The following RFC4 variants were observed in gnomAD, a reference collection of about 807,000 sequenced individuals.
The protein encoded by RFC4 is replication factor C subunit 4.
A neutral mutation model predicts 47.6 loss-of-function variants in RFC4; 38 were observed. The ratio of observed to expected loss-of-function variants is 0.80; its 90% CI spans 0.62 to 1.05. The LOEUF is 1.05. Ranked by LOEUF, RFC4 falls within the 50% of genes least tolerant of loss-of-function variation. The pLI is 0.00. For missense variants in RFC4, 489 were observed against 434.0 expected (o/e 1.13, Z -1.13); for synonymous variants, 164 against 150.0 (o/e 1.09, Z -0.68).
rs746852774 is a variant in RFC4, at chr3:186,793,534, C to T, written c.411-587G>A. Among the ~76,000 whole-genome samples, 3 of 152,184 alleles carry T rather than the reference C, an allele frequency of 2.0e-5. No individual in the cohort carries two copies. The highest frequency in any genetic ancestry group is 2.9e-5 in the Non-Finnish European group (2 of 68,034). Reference sequence around the variant, plus strand: ...TTTACATTCCAACCAGCAATGTATGCGGTTTACCATTTCTCCACATCCTTG... The same window carrying T: ...TTTACATTCCAACCAGCAATGTATGTGGTTTACCATTTCTCCACATCCTTG... On this transcript the variant is annotated intron_variant, in intron 5 of 10. Transcript: ENST00000296273. This position sits in a 1 kb window ranked among gnomAD's most constrained non-coding sequence, Gnocchi z 4.2.
At chr3:186,790,688 A>C (rs1480838893) in intron 8 of RFC4, among the ~76,000 whole-genome samples, 6 of 152,176 alleles carry the variant, frequency 3.9e-5, no homozygotes, top group Non-Finnish European at 8.8e-5. Flanking sequence ...ATGAAGATTA[A>C]GTTTTCCCCT....
intron 2 of RFC4, 41 bp from the exon 3 acceptor site, chr3:186,801,236 T>G (rs973363522): frequency 2.1e-6 from 3 of 1,439,156 alleles, no homozygotes; most frequent in Non-Finnish European, 2.9e-6. Context: ...TTTAGTATAT[T>G]ATAGTAGCCA....
chr3:186,804,656 G>C lies in RFC4; in HGVS notation c.58C>G (p.Arg20Gly), dbSNP rs1336420393. The C allele has an allele frequency of 1.9e-6, 3 of 1,613,994 alleles. No individual in the cohort carries two copies. Among genetic ancestry groups the C allele is most frequent in the Non-Finnish European group, 1.7e-6 (2 of 1,179,996 alleles). ...ISTKPPLTKD[R>G]GVAASAGSSG... ...CTTCCCGCACTGGCAGCTACTCCTC[G>C]ATCCTTGGTCAGCGGGGGTTTAGTA... The change falls in exon 2 of 11, where the codon CGA becomes GGA. Residue 20 changes from arginine to glycine, a missense_variant. This residue lies in a region of RFC4 where 206 missense variants were observed against 257.8 expected (regional missense o/e 0.80). Coordinates refer to ENST00000296273, the MANE Select transcript of RFC4 (RefSeq NM_002916.5).
At position 186,791,768 on chromosome 3, in the gene RFC4, C is replaced by G; in HGVS notation, c.758G>C (p.Gly253Ala). ...TFLQSATRLT[G>A]GKEITEKVIT... ...CACTTTCTCTGTGATCTCCTTTCCA[C>G]CTGTTAATCGAGTAGCGCTTTGAAG... is the stretch of plus-strand genomic sequence containing the variant. Residue 253 changes from glycine to alanine, a missense_variant, in exon 8 of 11, where the codon GGT becomes GCT. Physicochemically the swap from Gly to Ala is moderately conservative, Grantham distance 60 (BLOSUM62 0). Coordinates refer to ENST00000296273, the MANE Select transcript of RFC4 (RefSeq NM_002916.5). The G allele has an allele frequency of 6.2e-7, 1 of 1,611,896 alleles. No individual in the cohort carries two copies. The highest frequency in any genetic ancestry group is 2.2e-5 in the East Asian group (1 of 44,852).
intron 3 of RFC4, 39 bp downstream of exon 3, chr3:186,801,078 T>G (rs759000132): frequency 6.9e-7 from 1 of 1,443,534 alleles, no homozygotes; most frequent in Admixed American, 1.7e-5. Context: ...AATTAAGTCT[T>G]AAATATCCCA....
rs1722341765 is a variant in RFC4, at chr3:186,801,109, CA to C, written c.210+7del. 6.2e-7 allele frequency: 1 copy of C among 1,603,008 alleles called. No individual in the cohort carries two copies. The highest frequency in any genetic ancestry group is 2.2e-5 in the East Asian group (1 of 44,814). ...TCCCAATGACATTAAACACCATTTG[CA>C]ACTCACATCTGCTCCTTCTAAAGAT... is the stretch of plus-strand genomic sequence containing the variant. On this transcript the variant is annotated splice_region_variant and intron_variant, in intron 3 of 10. Coordinates refer to ENST00000296273, the MANE Select transcript of RFC4 (RefSeq NM_002916.5).
chr3:186,791,789 T>C lies in RFC4; in HGVS notation c.737A>G (p.Gln246Arg). ...GDLRKAITFL[Q>R]SATRLTGGKE... Reference sequence around the variant, plus strand: ...TCCACCTGTTAATCGAGTAGCGCTTTGAAGAAATGTAATGGCTTTTCTTAA... The same window carrying C: ...TCCACCTGTTAATCGAGTAGCGCTTCGAAGAAATGTAATGGCTTTTCTTAA... Residue 246 changes from glutamine to arginine, a missense_variant, in exon 8 of 11, where the codon CAA becomes CGA. Gln to Arg is a conservative substitution (Grantham distance 43, BLOSUM62 1). This residue lies in a region of RFC4 where 283 missense variants were observed against 176.2 expected (regional missense o/e 1.61). Transcript: ENST00000296273. 6.2e-7 allele frequency: 1 copy of C among 1,611,028 alleles called. No individual in the cohort carries two copies. The highest frequency in any genetic ancestry group is 1.1e-5 in the South Asian group (1 of 91,038).
At chr3:186,791,335 A>G (rs1466665760) in intron 8 of RFC4, 1 of 248,472 alleles carries the variant, frequency 4.0e-6, no homozygotes, top group Non-Finnish European at 8.1e-6. Context: ...CTAAAAATAT[A>G]CAAATTAGCT....
At chr3:186,805,620 C>T (rs925529238) in intron 1 of RFC4, 4 of 152,118 alleles carry the variant, frequency 2.6e-5, no homozygotes, top group Admixed American at 6.5e-5. Context: ...ATAGAAACAG[C>T]TGTTTTTCTC....
chr3:186,792,405 C>T (rs1560090744), intron 7 of RFC4, 85 bp downstream of exon 7: 2 of 1,229,338 alleles, frequency 1.6e-6, no homozygotes, highest in Non-Finnish European at 1.2e-6. Context: ...ATTGAGGCAA[C>T]ACACATTTAA....
intron 8 of RFC4, chr3:186,791,427 G>A (rs1000593265): frequency 6.9e-5 from 23 of 335,244 alleles, no homozygotes; most frequent in Non-Finnish European, 1.1e-4. Context: ...TCGGTATTGC[G>A]TCACTGCACT....
In RFC4 at chr3:186,795,748, G is replaced by A. The variant is rs112462056; in HGVS notation, c.291-971C>T. Among the ~76,000 whole-genome samples, 702 of 152,140 alleles carry A rather than the reference G, an allele frequency of 4.6e-3. 6 individuals carry two copies. Among genetic ancestry groups the A allele is most frequent in the African/African-American group, 0.016 (662 of 41,496 alleles). ...GTGGAGGTTGCAGTGAGCCGAGATCGCACCACTGCACTCCAGCCTGGGCAA... is the reference window on the plus strand; with the variant it reads ...GTGGAGGTTGCAGTGAGCCGAGATCACACCACTGCACTCCAGCCTGGGCAA... On this transcript the variant is annotated intron_variant, in intron 4 of 10. Transcript: ENST00000296273.
Position 186,790,067 on chromosome 3 carries a change from A to G in RFC4, c.997-3T>C. On this transcript the variant is annotated splice_region_variant and splice_polypyrimidine_tract_variant and intron_variant, in intron 10 of 10. Coordinates refer to ENST00000296273, the MANE Select transcript of RFC4 (RefSeq NM_002916.5). ...TCTGCTAGGCATTTGTCAACTTCCT[A>G]CGAGAAAAATTTAAGAAATTAGCAT... 1.2e-6 allele frequency: 2 copies of G among 1,612,974 alleles called. No homozygotes were observed. Among genetic ancestry groups the G allele is most frequent in the South Asian group, 1.1e-5 (1 of 90,986 alleles).
At chr3:186,799,895 AT>A (rs1479680916) in intron 3 of RFC4, among the ~76,000 whole-genome samples, 1 of 152,188 alleles carries the variant, frequency 6.6e-6, no homozygotes, top group Admixed American at 6.6e-5. Context: ...ATAAAATGCT[AT>A]ACTATTATAA....
chr3:186,790,456 C>CTA (rs769148636), intron 8 of RFC4, 50 bp from the exon 9 acceptor site: 2 of 1,304,834 alleles, frequency 1.5e-6, no homozygotes, highest in Non-Finnish European at 2.2e-6. Context: ...TGAGACTAGA[C>CTA]ATACACTCTG....
chr3:186,795,537 G>A (rs1041002187), intron 4 of RFC4, among the ~76,000 whole-genome samples: 14 of 151,938 alleles, frequency 9.2e-5, no homozygotes, highest in South Asian at 4.2e-4. Context: ...GCTCATGCCT[G>A]TAATCCCAGC....
At chr3:186,790,454 G>GACAT (rs1427135560) in intron 8 of RFC4, 48 bp from the exon 9 acceptor site, 5 of 1,339,354 alleles carry the variant, frequency 3.7e-6, no homozygotes, top group Non-Finnish European at 5.4e-6. Flanking sequence ...GGTGAGACTA[G>GACAT]ACATACACTC....
Position 186,791,589 on chromosome 3 carries a change from CTCCCAGGTTAT to C in RFC4, c.801+125_801+135del, listed in dbSNP as rs530809605. On this transcript the variant is annotated intron_variant, in intron 8 of 10. Transcript: ENST00000296273. Reference sequence around the variant, plus strand: ...TCTCCTCACCTCAAACACTCTGATACTCCCAGGTTATTCCCTTATACTTCCTAGTGCAGTAC... The same window carrying C: ...TCTCCTCACCTCAAACACTCTGATACTCCCTTATACTTCCTAGTGCAGTAC... 147 of 790,444 alleles carry C rather than the reference CTCCCAGGTTAT, an allele frequency of 1.9e-4. No homozygotes were observed. In the African/African-American group the frequency reaches 2.2e-3, roughly 12 times the overall value. 49.0% of individuals were successfully genotyped at this position (790,444 alleles called of 1,614,324 possible).
chr3:186,791,827 C>T lies in RFC4; in HGVS notation c.699G>A (p.Val233=), dbSNP rs148303646. The T allele has an allele frequency of 5.3e-5, 86 of 1,612,204 alleles. 1 individual carries two copies. Among genetic ancestry groups the T allele is most frequent in the Non-Finnish European group, 7.2e-5 (85 of 1,178,546 alleles). Residue 233 remains valine, a synonymous_variant, in exon 8 of 11, where the codon GTG becomes GTA. Transcript: ENST00000296273. ...TGGCTTTTCTTAAGTCTCCTTCTGA[C>T]ACTTTAACAAGATAAGCTATTCCCT... The part of the protein sequence containing the change: ...SDEGIAYLVK[V]SEGDLRKAIT...
Sources: allele counts gnomAD v4.1 joint callset (sites outside exome capture counted in the v4.1 genomes callset), GRCh38; gene constraint gnomAD v4.1.1; regional missense constraint gnomAD v4.1.1; non-coding constraint Gnocchi (gnomAD v3.1); transcripts MANE v1.5; gene names NCBI Gene and HGNC (gene_info 2026-07-23, HGNC 2026-07-21).